Variants in MRTFB observed in about 807,000 individuals in gnomAD.
The protein encoded by MRTFB is myocardin-related transcription factor B.
In MRTFB, 29 loss-of-function variants were observed where a neutral mutation model predicts 104.2. That is an observed-to-expected ratio of 0.28 (90% confidence interval 0.21 to 0.38). MRTFB has a LOEUF of 0.38. Among genes scored for constraint, MRTFB ranks in the 10% least tolerant of loss-of-function variants. MRTFB has a pLI of 1.00. For synonymous variants in MRTFB, 535 were observed against 519.5 expected, an observed-to-expected ratio of 1.03 and a Z score of -0.41; for missense variants, 1,270 against 1,341.6, an observed-to-expected ratio of 0.95 and a Z score of 0.83.
chr16:14,066,387 C>T (rs2033529031), upstream of MRTFB, among the ~76,000 whole-genome samples: 1 of 151,790 alleles, frequency 6.6e-6, no homozygotes, highest in East Asian at 1.9e-4. Context: ...GATTCTCCTG[C>T]CTCAGCCTCC....
At position 14,083,651 on chromosome 16, in the gene MRTFB, G is replaced by GA. The variant is rs540192805; in HGVS notation, c.-64+4298dup. On this transcript the variant is annotated intron_variant, in intron 2 of 16. Coordinates refer to ENST00000571589, the MANE Select transcript of MRTFB (RefSeq NM_001308142.2). ...TGCTGCCTAGGGTTGGGGAGTGGGT[G>GA]ACGCGGGTAATGTAAAACTATCCTT... 5.6e-4 allele frequency among the ~76,000 whole-genome samples: 86 copies of GA among 152,324 alleles called. 1 individual carries two copies. Among genetic ancestry groups the GA allele is most frequent in the African/African-American group, 2.0e-3 (84 of 41,562 alleles).
At chr16:14,087,733 C>T (rs950943735) in intron 2 of MRTFB, among the ~76,000 whole-genome samples, 3 of 152,170 alleles carry the variant, frequency 2.0e-5, no homozygotes, top group African/African-American at 4.8e-5. Context: ...TAATTGCTGT[C>T]AGTGTGAAAG....
At chr16:14,086,522 CA>C (rs1266432680) in intron 2 of MRTFB, among the ~76,000 whole-genome samples, 1 of 152,064 alleles carries the variant, frequency 6.6e-6, no homozygotes, top group Admixed American at 6.6e-5. Flanking sequence ...ATTGAGTCTT[CA>C]ATAGTAGAGT....
chr16:14,082,361 T>G (rs2034460829), intron 2 of MRTFB, among the ~76,000 whole-genome samples: 1 of 152,266 alleles, frequency 6.6e-6, no homozygotes, highest in Non-Finnish European at 1.5e-5. Flanking sequence ...TGCATAGATT[T>G]ATTTCTGGGT....
intron 3 of MRTFB, among the ~76,000 whole-genome samples, chr16:14,169,230 C>G (rs2039345854): frequency 6.6e-6 from 1 of 152,118 alleles, no homozygotes; most frequent in Non-Finnish European, 1.5e-5. Context: ...CTAAAGACTT[C>G]AGCAAATGTA....
At chr16:14,155,992 C>A (rs1346301061) in intron 3 of MRTFB, among the ~76,000 whole-genome samples, 11 of 152,106 alleles carry the variant, frequency 7.2e-5, no homozygotes, top group Admixed American at 4.6e-4. Context: ...TCTCTGTCTC[C>A]TCAGTTCAGC....
chr16:14,175,079 CTG>C (rs919695343), intron 3 of MRTFB, among the ~76,000 whole-genome samples: 4 of 152,070 alleles, frequency 2.6e-5, no homozygotes, highest in African/African-American at 9.7e-5. Flanking sequence ...ATAGTAAAGA[CTG>C]TTTCAGGGTT....
At chr16:14,237,524 G>A (rs2042574672) in intron 9 of MRTFB, among the ~76,000 whole-genome samples, 1 of 152,246 alleles carries the variant, frequency 6.6e-6, no homozygotes, top group African/African-American at 2.4e-5. Flanking sequence ...AGGCAGAGCT[G>A]GAGATGGTAT....
intron 3 of MRTFB, among the ~76,000 whole-genome samples, chr16:14,174,722 A>AT (rs1277866939): frequency 1.3e-5 from 2 of 151,928 alleles, no homozygotes; most frequent in East Asian, 1.9e-4. Context: ...GTCACATACA[A>AT]TTTTTTTTAA....
At chr16:14,125,464 G>A (rs2037060930) in intron 2 of MRTFB, among the ~76,000 whole-genome samples, 1 of 152,256 alleles carries the variant, frequency 6.6e-6, no homozygotes, top group Non-Finnish European at 1.5e-5. Flanking sequence ...ATGTCAGCTG[G>A]AGCGGGCAGC....
At chr16:14,045,613 C>A in the MRTFB span, among the ~76,000 whole-genome samples, 4 of 152,210 alleles carry the variant, frequency 2.6e-5, no homozygotes, top group Non-Finnish European at 5.9e-5. Context: ...ATAGAAAGAA[C>A]ATAGGTTCCA....
intron 2 of MRTFB, among the ~76,000 whole-genome samples, chr16:14,110,709 T>C (rs2036226870): frequency 6.6e-6 from 1 of 152,138 alleles, no homozygotes; most frequent in Non-Finnish European, 1.5e-5. Context: ...AGGAAATGTC[T>C]TGTCTTTTTC....
chr16:14,023,538 C>T, the MRTFB span, among the ~76,000 whole-genome samples: 4 of 150,902 alleles, frequency 2.7e-5, no homozygotes, highest in East Asian at 3.9e-4. Context: ...TTTCATCATC[C>T]GTAAAATGAA....
chr16:14,016,666 G>A, the MRTFB span, among the ~76,000 whole-genome samples: 17 of 151,412 alleles, frequency 1.1e-4, no homozygotes, highest in East Asian at 2.3e-3. Flanking sequence ...CCAGGTACTC[G>A]GGAGGCTGAG....
rs950155809 is a variant in MRTFB at position 14,264,516 on chromosome 16, C to T, written c.*3072C>T. On this transcript the variant is annotated 3_prime_UTR_variant, in exon 17 of 17. Coordinates refer to ENST00000571589, the MANE Select transcript of MRTFB (RefSeq NM_001308142.2). ...TGTGCAATCTACTGTATAGTATTGCCACATAATTGTACATAGATGTATTCT... is the reference window on the plus strand; with the variant it reads ...TGTGCAATCTACTGTATAGTATTGCTACATAATTGTACATAGATGTATTCT... 6.6e-6 allele frequency: 1 copy of T among 152,148 alleles called. No individual in the cohort carries two copies. The highest frequency in any genetic ancestry group is 2.4e-5 in the African/African-American group (1 of 41,424). 9.4% of individuals were successfully genotyped at this position (152,148 alleles called of 1,614,324 possible). A position where few individuals can be genotyped will look rare whatever the true frequency, so the allele number is the denominator to read the frequency against.
chr16:14,061,958 C>A, the MRTFB span, among the ~76,000 whole-genome samples: 1 of 152,184 alleles, frequency 6.6e-6, no homozygotes, highest in East Asian at 1.9e-4. Flanking sequence ...CTTCAAAGAA[C>A]AAAGAAGCCA....
the MRTFB span, among the ~76,000 whole-genome samples, chr16:14,007,079 A>G: frequency 1.3e-5 from 2 of 152,226 alleles, no homozygotes. Flanking sequence ...TACACCGTAC[A>G]AGTCACCAAT....
At chr16:14,069,384 T>A (rs989056290), upstream of MRTFB, among the ~76,000 whole-genome samples, 1 of 152,252 alleles carries the variant, frequency 6.6e-6, no homozygotes, top group Admixed American at 6.5e-5. Flanking sequence ...GGGCCACAAC[T>A]GCGACTGAGC....
chr16:14,088,141 C>T (rs995119631), intron 2 of MRTFB, among the ~76,000 whole-genome samples: 5 of 152,086 alleles, frequency 3.3e-5, no homozygotes, highest in South Asian at 2.1e-4. Flanking sequence ...GAAGGATGGC[C>T]GGTGACTGTT....
Sources: allele counts gnomAD v4.1 joint callset (sites outside exome capture counted in the v4.1 genomes callset), GRCh38; gene constraint gnomAD v4.1.1; transcripts MANE v1.5; gene names NCBI Gene and HGNC (gene_info 2026-07-23, HGNC 2026-07-21).